FAM240C: variants seen among roughly 807,000 people sequenced by gnomAD.
FAM240C encodes family with sequence similarity 240 member C.
Under a neutral mutation model 10.0 loss-of-function variants are expected in FAM240C, and 14 were observed. That is an observed-to-expected ratio of 1.40 (90% CI 0.92 to 2.19). The LOEUF (loss-of-function observed/expected upper bound fraction) is 2.19. Among genes scored for constraint, FAM240C ranks in the 30% most tolerant of loss-of-function variants. The pLI is 0.00. For missense variants in FAM240C, 154 were observed against 122.3 expected, an observed-to-expected ratio of 1.26 and a Z score of -1.22; for synonymous variants, 49 against 44.3, an observed-to-expected ratio of 1.11 and a Z score of -0.42.
intron 2 of FAM240C, among the ~76,000 whole-genome samples, chr2:241,896,552 T>TGG (rs1701813967): frequency 1.0e-4 from 12 of 117,838 alleles, no homozygotes; most frequent in South Asian, 2.5e-4. Context: ...TGTTGGGGTG[T>TGG]GTGTGTTGGG....
rs1701944061 is a variant in FAM240C at position 241,900,035 on chromosome 2, C to G, written c.12+323G>C. Among the ~76,000 whole-genome samples the G allele has an allele frequency of 6.6e-6, 1 of 152,126 alleles. No individual in the cohort carries two copies. Among genetic ancestry groups the G allele is most frequent in the Non-Finnish European group, 1.5e-5 (1 of 68,038 alleles). Reference sequence around the variant, plus strand: ...TGAGCCGCGATCATGCCACTGCACTCCAGCCTGGGCGACAGAGCGAGACTC... The same window carrying G: ...TGAGCCGCGATCATGCCACTGCACTGCAGCCTGGGCGACAGAGCGAGACTC... On this transcript the variant is annotated intron_variant, in intron 1 of 2. Transcript: ENST00000404031. This position sits in a 1 kb window ranked among gnomAD's most constrained non-coding sequence, Gnocchi z 4.5.
rs546347826 is a variant in FAM240C at position 241,897,449 on chromosome 2, C to T, written c.13-115G>A. The T allele has an allele frequency of 2.7e-4, 352 of 1,299,244 alleles. 1 individual carries two copies. Among genetic ancestry groups the T allele is most frequent in the Admixed American group, 4.0e-4 (18 of 45,352 alleles). 80.5% of individuals were successfully genotyped at this position (1,299,244 alleles called of 1,614,324 possible). A position where few individuals can be genotyped will look rare whatever the true frequency, so the allele number is the denominator to read the frequency against. On this transcript the variant is annotated intron_variant, in intron 1 of 2. Transcript: ENST00000404031. ...TGGCTCAGCCTGCAGCATCGTGGTC[C>T]CCGCCTTCCTGGTTCGTGGGGGATG...
intron 2 of FAM240C, among the ~76,000 whole-genome samples, chr2:241,895,241 A>C (rs552091302): frequency 1.3e-5 from 2 of 151,592 alleles, no homozygotes; most frequent in South Asian, 4.2e-4. Flanking sequence ...GGTGGGGCCC[A>C]GGGCAGCTCC....
chr2:241,901,166 C>T (rs557460395), upstream of FAM240C, among the ~76,000 whole-genome samples: 108 of 152,296 alleles, frequency 7.1e-4, no homozygotes, highest in East Asian at 7.7e-4. This position sits in a 1 kb window ranked among gnomAD's most constrained non-coding sequence, Gnocchi z 4.9. Flanking sequence ...CCGGAAACAC[C>T]CTCCCAGCCG....
At chr2:241,896,246 C>T (rs1478716611) in intron 2 of FAM240C, among the ~76,000 whole-genome samples, 8 of 152,202 alleles carry the variant, frequency 5.3e-5, no homozygotes, top group African/African-American at 1.7e-4. Context: ...AGTGGCTACA[C>T]CCTGGGTCGG....
At chr2:241,895,944 T>C (rs530831356) in intron 2 of FAM240C, among the ~76,000 whole-genome samples, 99 of 117,598 alleles carry the variant, frequency 8.4e-4, no homozygotes, top group African/African-American at 3.4e-3. Flanking sequence ...GCAGGGCCCG[T>C]GGGGCAAGCA....
rs1188706613 is a variant in FAM240C, at chr2:241,894,277, C to T, written c.224G>A (p.Arg75Lys). The T allele has an allele frequency of 1.3e-6, 2 of 1,549,820 alleles. No homozygotes were observed. The highest frequency in any genetic ancestry group is 4.9e-5 in the East Asian group (2 of 40,932). Residue 75 changes from arginine to lysine, a missense_variant, in exon 3 of 3, where the codon AGA becomes AAA. Coordinates refer to ENST00000404031, the MANE Select transcript of FAM240C (RefSeq NM_001382368.1). ...GGCCTCCGGGACCCTGTCTGGGCATCTCCCTGGGCCCTGCAGCATCTTGTT... is the reference window on the plus strand; with the variant it reads ...GGCCTCCGGGACCCTGTCTGGGCATTTCCCTGGGCCCTGCAGCATCTTGTT... ...GRNKMLQGPGRCPDRVPEATE... is the reference protein window; with the variant it reads ...GRNKMLQGPGKCPDRVPEATE...
chr2:241,894,282 T>C lies in FAM240C; in HGVS notation c.219A>G (p.Pro73=). ...LEGRNKMLQG[P]GRCPDRVPEA... is the part of the protein sequence containing the mutation. ...CCGGGACCCTGTCTGGGCATCTCCC[T>C]GGGCCCTGCAGCATCTTGTTCCTCC... The change falls in exon 3 of 3, where the codon CCA becomes CCG. Residue 73 remains proline, a synonymous_variant. Coordinates refer to ENST00000404031, the MANE Select transcript of FAM240C (RefSeq NM_001382368.1). The C allele has an allele frequency of 2.6e-6, 4 of 1,549,876 alleles. No individual in the cohort carries two copies. The highest frequency in any genetic ancestry group is 3.5e-6 in the Non-Finnish European group (4 of 1,146,776).
chr2:241,894,588 G>A lies in FAM240C; in HGVS notation c.162-249C>T, dbSNP rs1278764650. 4.6e-5 allele frequency among the ~76,000 whole-genome samples: 5 copies of A among 108,422 alleles called. 1 individual carries two copies. The highest frequency in any genetic ancestry group is 9.3e-5 in the Admixed American group (1 of 10,716). 71.1% of individuals were successfully genotyped at this position (108,422 alleles called of 152,430 possible). On this transcript the variant is annotated intron_variant, in intron 2 of 2. Transcript: ENST00000404031. Reference sequence around the variant, plus strand: ...CAGTGGTTGGTGGGGGGGGGGGGGGGCGTCTCACTCAGGACCCTCCTCACA... The same window carrying A: ...CAGTGGTTGGTGGGGGGGGGGGGGGACGTCTCACTCAGGACCCTCCTCACA...
chr2:241,899,155 G>A (rs893680920), intron 1 of FAM240C: 14 of 1,304,126 alleles, frequency 1.1e-5, no homozygotes, highest in East Asian at 5.5e-5. Context: ...TCTGGAGCTC[G>A]GCTCAGGTTG....
intron 2 of FAM240C, among the ~76,000 whole-genome samples, chr2:241,896,141 C>T (rs1701795705): frequency 6.6e-6 from 1 of 152,162 alleles, no homozygotes; most frequent in Non-Finnish European, 1.5e-5. Flanking sequence ...GGCCTGAGCA[C>T]CGAGGGCTGC....
Position 241,897,269 on chromosome 2 carries a change from C to G in FAM240C, c.78G>C (p.Lys26Asn). 1.3e-6 allele frequency: 2 copies of G among 1,549,894 alleles called. No individual in the cohort carries two copies. Among genetic ancestry groups the G allele is most frequent in the South Asian group, 1.2e-5 (1 of 84,064 alleles). Residue 26 changes from lysine to asparagine, a missense_variant, in exon 2 of 3, where the codon AAG becomes AAC. Physicochemically the swap from Lys to Asn is moderately conservative, Grantham distance 94. Transcript: ENST00000404031. ...GRVAYDSGGI[K>N]MFWEKKIEHH... The stretch of plus-strand genomic sequence containing the variant: ...GCTCGATTTTTTTCTCCCAAAACAT[C>G]TTTATCCCGCCTGAATCGTATGCTA...
chr2:241,899,838 C>T lies in FAM240C; in HGVS notation c.12+520G>A, dbSNP rs529866840. Among the ~76,000 whole-genome samples, 8 of 152,242 alleles carry T rather than the reference C, an allele frequency of 5.3e-5. No individual in the cohort carries two copies. The South Asian group carries it at 8.3e-4, about 16-fold the overall frequency. On this transcript the variant is annotated intron_variant, in intron 1 of 2. Transcript: ENST00000404031. Reference sequence around the variant, plus strand: ...ATCCCAGCACTGTGGGAGGCCGAGGCGGGCGGATCACGAGGTCAGGAGATC... The same window carrying T: ...ATCCCAGCACTGTGGGAGGCCGAGGTGGGCGGATCACGAGGTCAGGAGATC...
rs756294913 is a variant in FAM240C, at chr2:241,894,312, C to T, written c.189G>A (p.Leu63=). The T allele has an allele frequency of 9.4e-5, 146 of 1,548,726 alleles. No homozygotes were observed. The highest frequency in any genetic ancestry group is 1.2e-4 in the Non-Finnish European group (138 of 1,146,460). Residue 63 remains leucine, a synonymous_variant, in exon 3 of 3, where the codon CTG becomes CTA. Coordinates refer to ENST00000404031, the MANE Select transcript of FAM240C (RefSeq NM_001382368.1). ...NKLRVGWAEQ[L]EGRNKMLQGP... The stretch of plus-strand genomic sequence containing the variant: ...CCTGCAGCATCTTGTTCCTCCCCTC[C>T]AGCTGCTCAGCCCATCCCACGCGGA...
At chr2:241,895,903 AC>A (rs1701785561) in intron 2 of FAM240C, among the ~76,000 whole-genome samples, 3 of 150,354 alleles carry the variant, frequency 2.0e-5, no homozygotes, top group Non-Finnish European at 4.4e-5. Context: ...ACACACAGGC[AC>A]ACGTCCAGGA....
intron 2 of FAM240C, among the ~76,000 whole-genome samples, chr2:241,896,066 G>A (rs894989861): frequency 5.9e-5 from 9 of 152,216 alleles, no homozygotes; most frequent in African/African-American, 1.7e-4. Context: ...AGTGGGGAGG[G>A]GCACCCCCAG....
chr2:241,898,274 G>T (rs766760094), intron 1 of FAM240C, among the ~76,000 whole-genome samples: 3 of 152,186 alleles, frequency 2.0e-5, no homozygotes, highest in Non-Finnish European at 2.9e-5. Flanking sequence ...TCCAAGGCCG[G>T]GCGTGGTGGC....
Position 241,894,095 on chromosome 2 carries a change from G to T in FAM240C, c.*118C>A. 8.3e-7 allele frequency: 1 copy of T among 1,209,050 alleles called. No individual in the cohort carries two copies. Among genetic ancestry groups the T allele is most frequent in the Non-Finnish European group, 1.1e-6 (1 of 881,356 alleles). The allele number at this position is 1,209,050 out of a possible 1,614,324, so 74.9% of individuals were successfully genotyped here. On this transcript the variant is annotated 3_prime_UTR_variant, in exon 3 of 3. Transcript: ENST00000404031. ...GATTATTACGGGGTCAGCGAGGTGC[G>T]GGCCATTTCCATGATGAAGATCCTG...
chr2:241,897,153 G>A (rs1283201592), intron 2 of FAM240C, 33 bp downstream of exon 2: 1 of 1,545,764 alleles, frequency 6.5e-7, no homozygotes, highest in Non-Finnish European at 8.7e-7. Flanking sequence ...CTCAGGCATA[G>A]GGGTCCCCGA....
Sources: allele counts gnomAD v4.1 joint callset (sites outside exome capture counted in the v4.1 genomes callset), GRCh38; gene constraint gnomAD v4.1.1; non-coding constraint Gnocchi (gnomAD v3.1); transcripts MANE v1.5; gene names NCBI Gene and HGNC (gene_info 2026-07-23, HGNC 2026-07-21).